PTPRZ1: variants seen among roughly 807,000 people sequenced by gnomAD.
PTPRZ1 encodes the protein receptor-type tyrosine-protein phosphatase zeta.
Under a neutral mutation model 214.1 loss-of-function variants are expected in PTPRZ1, and 82 were observed. That is an observed-to-expected ratio of 0.38 (90% CI 0.32 to 0.46). The LOEUF (loss-of-function observed/expected upper bound fraction) is 0.46, where lower values mean the gene tolerates loss of function less well. PTPRZ1 is among the 20% of genes least tolerant of loss of function. PTPRZ1 has a pLI of 1.00. For synonymous variants in PTPRZ1, 945 were observed against 987.9 expected, an observed-to-expected ratio of 0.96 and a Z score of 0.81; for missense variants, 2,603 against 2,748.7, an observed-to-expected ratio of 0.95 and a Z score of 1.19.
chr7:121,933,282 A>T (rs1455659911), intron 2 of PTPRZ1, among the ~76,000 whole-genome samples: 3 of 152,102 alleles, frequency 2.0e-5, no homozygotes, highest in Non-Finnish European at 4.4e-5. Flanking sequence ...TTGCAACCTC[A>T]AGCAATGATA....
rs1792204480 is a variant in PTPRZ1 at position 122,052,082 on chromosome 7, C to T, written c.6252+143C>T. On this transcript the variant is annotated intron_variant, in intron 25 of 29. Transcript: ENST00000393386. ...AATCTGTTGACTGCAAGCCCACAGTCCACAGCAACAGTTGTAATAATGGCA... is the reference window on the plus strand; with the variant it reads ...AATCTGTTGACTGCAAGCCCACAGTTCACAGCAACAGTTGTAATAATGGCA... 21 of 607,332 alleles carry T rather than the reference C, an allele frequency of 3.5e-5. No individual in the cohort carries two copies. The South Asian group carries it at 5.0e-4, about 14-fold the overall frequency. 37.6% of individuals were successfully genotyped at this position (607,332 alleles called of 1,614,324 possible). A position where few individuals can be genotyped will look rare whatever the true frequency, so the allele number is the denominator to read the frequency against.
Position 122,052,075 on chromosome 7 carries a change from C to G in PTPRZ1, c.6252+136C>G, listed in dbSNP as rs113798692. ...TAAGTTAAATCTGTTGACTGCAAGC[C>G]CACAGTCCACAGCAACAGTTGTAAT... On this transcript the variant is annotated intron_variant, in intron 25 of 29. Transcript: ENST00000393386. 977 of 615,176 alleles carry G rather than the reference C, an allele frequency of 1.6e-3. 8 individuals carry two copies. The African/African-American group carries it at 0.017, about 11-fold the overall frequency. The allele number at this position is 615,176 out of a possible 1,614,324, so 38.1% of individuals were successfully genotyped here. A position where few individuals can be genotyped will look rare whatever the true frequency, so the allele number is the denominator to read the frequency against.
chr7:122,015,161 T>C (rs546712568), intron 12 of PTPRZ1, among the ~76,000 whole-genome samples: 15 of 152,190 alleles, frequency 9.9e-5, no homozygotes, highest in Non-Finnish European at 2.1e-4. Context: ...AGTAATACTT[T>C]CATTGAATTG....
At chr7:121,958,998 T>C (rs947230772) in intron 2 of PTPRZ1, among the ~76,000 whole-genome samples, 1 of 152,264 alleles carries the variant, frequency 6.6e-6, no homozygotes, top group Admixed American at 6.5e-5. Context: ...TAATTTTTTG[T>C]ATTTTTAGTA....
At chr7:121,940,879 C>A (rs1796221159) in intron 2 of PTPRZ1, among the ~76,000 whole-genome samples, 1 of 151,932 alleles carries the variant, frequency 6.6e-6, no homozygotes, top group Admixed American at 6.6e-5. Context: ...CTGTTTCATT[C>A]CTCATGATTA....
At chr7:122,042,947 C>T (rs1799777121) in intron 22 of PTPRZ1, among the ~76,000 whole-genome samples, 1 of 152,176 alleles carries the variant, frequency 6.6e-6, no homozygotes, top group Non-Finnish European at 1.5e-5. Flanking sequence ...TTGCCTCTTT[C>T]ATCTCCTGGT....
intron 1 of PTPRZ1, among the ~76,000 whole-genome samples, chr7:121,919,337 T>C (rs913910778): frequency 6.6e-6 from 1 of 152,080 alleles, no homozygotes; most frequent in East Asian, 1.9e-4. Context: ...TTCTTAAAAC[T>C]TCTGTGCTCA....
intron 1 of PTPRZ1, among the ~76,000 whole-genome samples, chr7:121,887,598 G>A (rs930062616): frequency 1.3e-5 from 2 of 152,128 alleles, no homozygotes; most frequent in African/African-American, 4.8e-5. Flanking sequence ...TTTACTCATG[G>A]CATTCAGAGT....
At chr7:121,999,350 G>T (rs1272078759) in intron 10 of PTPRZ1, among the ~76,000 whole-genome samples, 1 of 152,122 alleles carries the variant, frequency 6.6e-6, no homozygotes, top group Non-Finnish European at 1.5e-5. Flanking sequence ...AACTGACCAT[G>T]ATTTTAACTA....
rs149208005 is a variant in PTPRZ1, at chr7:122,059,782, G to A, written c.6701G>A (p.Cys2234Tyr). The change falls in exon 29 of 30, where the codon TGT (cysteine) becomes TAT (tyrosine). Residue 2234 changes from cysteine (C) to tyrosine (Y), a missense_variant. Cys to Tyr is a radical substitution (Grantham distance 194). Around this residue, in one of 6 missense-constraint regions of PTPRZ1, gnomAD observed 165 missense variants for 151.4 expected, o/e 1.09. Transcript: ENST00000393386. ...EHGGVTAGTF[C>Y]ALTTLMHQLE... is the part of the protein sequence containing the mutation. The stretch of plus-strand genomic sequence containing the variant: ...GGAGGAGTGACGGCAGGAACTTTCT[G>A]TGCTCTGACAACCCTTATGCACCAA... The A allele has an allele frequency of 4.3e-6, 7 of 1,611,214 alleles. No homozygotes were observed. Among genetic ancestry groups the A allele is most frequent in the African/African-American group, 1.3e-5 (1 of 74,398 alleles).
chr7:122,039,995 G>GA (rs926706362), intron 20 of PTPRZ1, among the ~76,000 whole-genome samples: 64 of 142,644 alleles, frequency 4.5e-4, no homozygotes, highest in South Asian at 9.0e-4. Context: ...AAAAAGAAAA[G>GA]AAAAAAAAAA....
chr7:121,976,928 C>A, intron 6 of PTPRZ1, 77 bp downstream of exon 6: 1 of 1,238,418 alleles, frequency 8.1e-7, no homozygotes, highest in Non-Finnish European at 1.1e-6. Context: ...CGACAAAAGT[C>A]ACTTGTTCCA....
intron 8 of PTPRZ1, among the ~76,000 whole-genome samples, chr7:121,991,680 A>G (rs527475356): frequency 6.6e-6 from 1 of 152,350 alleles, no homozygotes; most frequent in South Asian, 2.1e-4. Flanking sequence ...GGAAGATTAT[A>G]TACTACAAAT....
intron 2 of PTPRZ1, among the ~76,000 whole-genome samples, chr7:121,954,338 G>T (rs1380254370): frequency 6.6e-6 from 1 of 152,054 alleles, no homozygotes; most frequent in African/African-American, 2.4e-5. Context: ...TATTCTTACA[G>T]CCCCTCCACT....
At chr7:121,895,287 T>G (rs1794754545) in intron 1 of PTPRZ1, among the ~76,000 whole-genome samples, 1 of 152,164 alleles carries the variant, frequency 6.6e-6, no homozygotes, top group African/African-American at 2.4e-5. Context: ...CCCTACCCTC[T>G]TTAAGTCTTG....
chr7:122,038,524 T>C (rs911489486), intron 18 of PTPRZ1, among the ~76,000 whole-genome samples: 5 of 151,034 alleles, frequency 3.3e-5, no homozygotes, highest in African/African-American at 1.2e-4. Flanking sequence ...TTTTTTTTTT[T>C]TTTTTTTTTT....
chr7:121,969,358 T>C (rs1440482295), intron 3 of PTPRZ1, among the ~76,000 whole-genome samples: 1 of 152,060 alleles, frequency 6.6e-6, no homozygotes, highest in East Asian at 1.9e-4. Context: ...GGTCAGGAGT[T>C]CAAGACCAGC....
chr7:122,055,205 A>G (rs1792311988), intron 27 of PTPRZ1, 118 bp downstream of exon 27: 1 of 764,474 alleles, frequency 1.3e-6, no homozygotes, highest in South Asian at 3.7e-5. Flanking sequence ...CCATTGAGAC[A>G]AATACACAAA....
intron 1 of PTPRZ1, among the ~76,000 whole-genome samples, chr7:121,913,091 A>G (rs1795324773): frequency 6.6e-6 from 1 of 152,194 alleles, no homozygotes. Context: ...TGACACAGTA[A>G]ACAAATATTA....
Sources: allele counts gnomAD v4.1 joint callset (sites outside exome capture counted in the v4.1 genomes callset), GRCh38; gene constraint gnomAD v4.1.1; regional missense constraint gnomAD v4.1.1; transcripts MANE v1.5; gene names NCBI Gene and HGNC (gene_info 2026-07-23, HGNC 2026-07-21).